Variants in ATE1 observed in about 807,000 individuals in gnomAD.
ATE1 encodes arginyltransferase 1.
A neutral mutation model predicts 70.5 loss-of-function variants in ATE1; 36 were observed. The ratio of observed to expected loss-of-function variants is 0.51; its 90% CI spans 0.39 to 0.67. The LOEUF (loss-of-function observed/expected upper bound fraction) is 0.67, where lower values mean the gene tolerates loss of function less well. Among genes scored for constraint, ATE1 ranks in the 30% least tolerant of loss-of-function variants. The pLI is 0.00. For synonymous variants in ATE1, 232 were observed against 219.3 expected (o/e 1.06, Z -0.51); for missense variants, 593 against 629.5 (o/e 0.94, Z 0.62).
At chr10:121,840,583 A>G (rs1248849434) in intron 9 of ATE1, among the ~76,000 whole-genome samples, 1 of 152,104 alleles carries the variant, frequency 6.6e-6, no homozygotes, top group Non-Finnish European at 1.5e-5. Flanking sequence ...AAACAACAAA[A>G]GCTACCCACA....
At chr10:121,830,037 T>C (rs12357194) in intron 10 of ATE1, among the ~76,000 whole-genome samples, 45,900 of 152,218 alleles carry the variant, frequency 0.3, 8,336 homozygotes, top group Middle Eastern at 0.44. Flanking sequence ...GGAACATTCA[T>C]GCTTGGACCA....
intron 7 of ATE1, among the ~76,000 whole-genome samples, chr10:121,896,305 T>C (rs1213783798): frequency 1.3e-5 from 2 of 152,262 alleles, no homozygotes; most frequent in East Asian, 3.9e-4. Context: ...TTAAGATACA[T>C]ACTGAAGGAC....
chr10:121,810,805 C>A (rs1035145231), intron 10 of ATE1, among the ~76,000 whole-genome samples: 1 of 152,128 alleles, frequency 6.6e-6, no homozygotes, highest in Non-Finnish European at 1.5e-5. Context: ...AGGATTCAAG[C>A]AATTCTCCTG....
intron 7 of ATE1, among the ~76,000 whole-genome samples, chr10:121,870,494 A>T (rs12762847): frequency 1.2e-5 from 1 of 80,678 alleles, no homozygotes; most frequent in Admixed American, 1.5e-4. Flanking sequence ...GGAAAGACCA[A>T]GAGAGAGGTC....
At chr10:121,827,326 A>G (rs1948064484) in intron 10 of ATE1, among the ~76,000 whole-genome samples, 1 of 152,142 alleles carries the variant, frequency 6.6e-6, no homozygotes, top group African/African-American at 2.4e-5. Context: ...TTTTTTAAAA[A>G]GAGGAGACAG....
intron 6 of ATE1, among the ~76,000 whole-genome samples, chr10:121,900,247 C>T (rs1483829146): frequency 6.6e-6 from 1 of 152,144 alleles, no homozygotes; most frequent in Non-Finnish European, 1.5e-5. Context: ...ATTATGTAAG[C>T]CTGCCTCTAC....
At position 121,841,073 on chromosome 10, in the gene ATE1, C is replaced by T. The variant is rs777442314; in HGVS notation, c.1157+9G>A. ...AACCCACTACAATAACGGCAAAAAGCAATCTTACCGTAGTGCAGAGTAGAC... is the reference window on the plus strand; with the variant it reads ...AACCCACTACAATAACGGCAAAAAGTAATCTTACCGTAGTGCAGAGTAGAC... On this transcript the variant is annotated intron_variant, in intron 9 of 11. Coordinates refer to ENST00000224652, the MANE Select transcript of ATE1 (RefSeq NM_001001976.3). 9 of 1,516,094 alleles carry T rather than the reference C, an allele frequency of 5.9e-6. No individual in the cohort carries two copies. The South Asian group carries it at 1.2e-4, about 20-fold the overall frequency. The allele number at this position is 1,516,094 out of a possible 1,614,324, so 93.9% of individuals were successfully genotyped here.
At position 121,745,442 on chromosome 10, in the gene ATE1, T is replaced by A. The variant is rs375243064; in HGVS notation, c.1379-1584A>T. Reference sequence around the variant, plus strand: ...AGTGGGTTAAGAACCACAGGCGGGGTGCAGTGGCTCACGCCTGTAATCCCA... The same window carrying A: ...AGTGGGTTAAGAACCACAGGCGGGGAGCAGTGGCTCACGCCTGTAATCCCA... On this transcript the variant is annotated intron_variant, in intron 11 of 11. Transcript: ENST00000224652. Among the ~76,000 whole-genome samples, 17 of 152,024 alleles carry A rather than the reference T, an allele frequency of 1.1e-4. No individual in the cohort carries two copies. In the South Asian group the frequency reaches 2.5e-3, roughly 22 times the overall value.
chr10:121,856,843 C>T (rs1048337848), intron 8 of ATE1, among the ~76,000 whole-genome samples: 6 of 152,238 alleles, frequency 3.9e-5, no homozygotes, highest in Non-Finnish European at 8.8e-5. Flanking sequence ...CGAAGCGTAA[C>T]AAAATGAAGG....
chr10:121,831,853 T>C (rs1948251570), intron 10 of ATE1, among the ~76,000 whole-genome samples: 1 of 152,236 alleles, frequency 6.6e-6, no homozygotes, highest in South Asian at 2.1e-4. Context: ...TAATCAGTCA[T>C]CTTTTATAAT....
intron 7 of ATE1, among the ~76,000 whole-genome samples, chr10:121,882,072 A>C (rs1950244033): frequency 6.6e-6 from 1 of 152,224 alleles, no homozygotes; most frequent in African/African-American, 2.4e-5. Flanking sequence ...CTAGGATTAC[A>C]GGCGTGAGCC....
At chr10:121,750,223 C>T (rs1590205835) in intron 11 of ATE1, among the ~76,000 whole-genome samples, 1 of 152,130 alleles carries the variant, frequency 6.6e-6, no homozygotes, top group South Asian at 2.1e-4. Flanking sequence ...CCACACAGCA[C>T]AACAGGCATT....
At chr10:121,789,296 CTTTTTTT>C (rs3036893) in intron 11 of ATE1, among the ~76,000 whole-genome samples, 13 of 92,684 alleles carry the variant, frequency 1.4e-4, no homozygotes, top group Admixed American at 6.2e-4. Flanking sequence ...CAGGGCTATG[CTTTTTTT>C]TTTTTTTTTT....
chr10:121,899,811 T>C (rs1950909328), intron 7 of ATE1, 55 bp downstream of exon 7: 8 of 1,572,308 alleles, frequency 5.1e-6, no homozygotes, highest in South Asian at 1.2e-5. Context: ...TTAAATGATA[T>C]TAAGTGGAAG....
At chr10:121,778,583 T>G (rs1945843875) in intron 11 of ATE1, among the ~76,000 whole-genome samples, 1 of 140,758 alleles carries the variant, frequency 7.1e-6, no homozygotes, top group Non-Finnish European at 1.5e-5. Context: ...TTTTTTTTTT[T>G]TTTTTTTTTT....
intron 10 of ATE1, among the ~76,000 whole-genome samples, chr10:121,817,399 C>T (rs1044708483): frequency 2.6e-5 from 4 of 152,084 alleles, no homozygotes; most frequent in Admixed American, 6.5e-5. Flanking sequence ...ATTAGCCGGG[C>T]GCAGTGGCGG....
chr10:121,912,694 C>T (rs962945181), intron 4 of ATE1, among the ~76,000 whole-genome samples: 1 of 151,724 alleles, frequency 6.6e-6, no homozygotes, highest in Non-Finnish European at 1.5e-5. Flanking sequence ...AAATGGACAG[C>T]ATCTTCAATG....
intron 11 of ATE1, among the ~76,000 whole-genome samples, chr10:121,785,335 A>G (rs937971880): frequency 1.3e-5 from 2 of 152,168 alleles, no homozygotes; most frequent in Non-Finnish European, 2.9e-5. Flanking sequence ...CTCACTAGGC[A>G]TTGTTTCCCA....
chr10:121,813,198 T>A (rs1472392631), intron 10 of ATE1, among the ~76,000 whole-genome samples: 1 of 152,192 alleles, frequency 6.6e-6, no homozygotes. Flanking sequence ...TCTTCTGAAT[T>A]CTGCATCACA....
Sources: gnomAD v4.1 joint callset for allele counts (sites outside exome capture counted in the v4.1 genomes callset) on GRCh38, gnomAD v4.1.1 for gene constraint, MANE v1.5 for transcripts, NCBI Gene and HGNC (gene_info 2026-07-23, HGNC 2026-07-21) for gene names.